SACS: variants seen among roughly 807,000 people sequenced by gnomAD.
The protein encoded by SACS is sacsin.
In SACS, 197 loss-of-function variants were observed where a neutral mutation model predicts 348.0. That is an observed-to-expected ratio of 0.57 (90% CI 0.50 to 0.64). SACS has a LOEUF of 0.64. Ranked by LOEUF, SACS falls within the 30% of genes least tolerant of loss-of-function variation. The probability of loss-of-function intolerance (pLI) is 0.00; values close to 1 mark genes in which losing one functional copy is unlikely to be tolerated. For missense variants in SACS, 4,999 were observed against 5,360.8 expected (o/e 0.93, Z 2.11); for synonymous variants, 1,985 against 1,910.6 (o/e 1.04, Z -1.02).
At position 23,368,387 on chromosome 13, in the gene SACS, C is replaced by T. The variant is rs1437132469; in HGVS notation, c.345+15G>A. 6.4e-6 allele frequency: 10 copies of T among 1,572,906 alleles called. No homozygotes were observed. Among genetic ancestry groups the T allele is most frequent in the East Asian group, 2.2e-5 (1 of 44,646 alleles). On this transcript the variant is annotated intron_variant, in intron 5 of 9. Transcript: ENST00000382292. ...TATCAAAGTAAATAACACATGAACA[C>T]GACATGTGCCCCACCTTAAGAATCT...
At chr13:23,345,572 C>A (rs1869543855) in intron 9 of SACS, among the ~76,000 whole-genome samples, 1 of 152,226 alleles carries the variant, frequency 6.6e-6, no homozygotes, top group African/African-American at 2.4e-5. Context: ...ATTATGCACT[C>A]TACTTATATC....
rs575190396 is a variant in SACS, at chr13:23,336,186, C to T, written c.7690G>A (p.Val2564Met). The T allele has an allele frequency of 2.5e-6, 4 of 1,614,082 alleles. No individual in the cohort carries two copies. The highest frequency in any genetic ancestry group is 3.3e-5 in the Admixed American group (2 of 60,014). Reference sequence around the variant, plus strand: ...ACTGGATGCTGTCTAGGATCAAACACAAAACAGATTTCTGTCGCCTTTGCA... The same window carrying T: ...ACTGGATGCTGTCTAGGATCAAACATAAAACAGATTTCTGTCGCCTTTGCA... ...DDAKATEICFVFDPRQHPVDR... is the reference protein window; with the variant it reads ...DDAKATEICFMFDPRQHPVDR... The change falls in exon 10 of 10, where the codon GTG becomes ATG. Residue 2564 changes from valine to methionine, a missense_variant. Val to Met is a conservative substitution (Grantham distance 21). Transcript: ENST00000382292.
At position 23,340,952 on chromosome 13, in the gene SACS, A is replaced by G. The variant is rs772882240; in HGVS notation, c.2924T>C (p.Ile975Thr). 1.9e-6 allele frequency: 3 copies of G among 1,614,090 alleles called. No individual in the cohort carries two copies. The highest frequency in any genetic ancestry group is 2.5e-6 in the Non-Finnish European group (3 of 1,179,926). Residue 975 changes from isoleucine to threonine, a missense_variant, in exon 10 of 10, where the codon ATT becomes ACT. Coordinates refer to ENST00000382292, the MANE Select transcript of SACS (RefSeq NM_014363.6). Reference protein sequence around the residue: ...SVIDSSDEATIRLANMLKIEQ... With the variant: ...SVIDSSDEATTRLANMLKIEQ... The stretch of plus-strand genomic sequence containing the variant: ...TATTTTCAACATGTTTGCCAGACGA[A>G]TAGTAGCTTCATCACTACTGTCTAT...
chr13:23,332,975 T>A lies in SACS; in HGVS notation c.10901A>T (p.Gln3634Leu), dbSNP rs150900362. ...TVDILLHHIF[Q>L]ERMDLLSGNF... ...TCCAGATAACAAATCCATTCGTTCT[T>A]GGAATATATGATGCAGAAGGATATC... Residue 3634 changes from glutamine to leucine, a missense_variant, in exon 10 of 10, where the codon CAA becomes CTA. Around this residue, in one of 6 missense-constraint regions of SACS, gnomAD observed 831 missense variants for 941.8 expected, o/e 0.88. Transcript: ENST00000382292. 3.0e-5 allele frequency: 48 copies of A among 1,613,784 alleles called. 1 individual carries two copies. The African/African-American group carries it at 5.5e-4, about 18-fold the overall frequency.
intron 1 of SACS, among the ~76,000 whole-genome samples, chr13:23,424,525 CAAA>C (rs36055133): frequency 4.4e-5 from 4 of 91,692 alleles, no homozygotes; most frequent in Admixed American, 1.1e-4. Context: ...AACTCTGTCT[CAAA>C]AAAAAAAAAA....
rs1874528643 is a variant in SACS, at chr13:23,433,683, G to A, written c.-570C>T. The A allele has an allele frequency of 6.6e-6, 1 of 152,364 alleles. No homozygotes were observed. The highest frequency in any genetic ancestry group is 1.5e-5 in the Non-Finnish European group (1 of 68,142). The allele number at this position is 152,364 out of a possible 1,614,324, so 9.4% of individuals were successfully genotyped here. A position where few individuals can be genotyped will look rare whatever the true frequency, so the allele number is the denominator to read the frequency against. On this transcript the variant is annotated 5_prime_UTR_variant, in exon 1 of 10. Transcript: ENST00000382292. Reference sequence around the variant, plus strand: ...CAGTGCCATCAGCAGTTCCCAGCGTGACTGTCCCGCAGCCGCACTGGGTCC... The same window carrying A: ...CAGTGCCATCAGCAGTTCCCAGCGTAACTGTCCCGCAGCCGCACTGGGTCC...
In SACS at chr13:23,329,937, T is replaced by A. The variant is rs1264183100; in HGVS notation, c.*199A>T. ...CCAGCTATTTTGCAGCTCACCACCATCTTCAAAATAGTTTTCTTTTAGATT... is the reference window on the plus strand; with the variant it reads ...CCAGCTATTTTGCAGCTCACCACCAACTTCAAAATAGTTTTCTTTTAGATT... On this transcript the variant is annotated 3_prime_UTR_variant, in exon 10 of 10. Transcript: ENST00000382292. 1.2e-5 allele frequency: 7 copies of A among 595,304 alleles called. No individual in the cohort carries two copies. Among genetic ancestry groups the A allele is most frequent in the Non-Finnish European group, 2.1e-5 (7 of 338,458 alleles). The allele number at this position is 595,304 out of a possible 1,614,324, so 36.9% of individuals were successfully genotyped here.
intron 2 of SACS, among the ~76,000 whole-genome samples, chr13:23,393,006 C>T (rs1872587419): frequency 6.6e-6 from 1 of 152,130 alleles, no homozygotes. Flanking sequence ...ATTCACCAAC[C>T]CTCACCACCC....
intron 2 of SACS, among the ~76,000 whole-genome samples, chr13:23,399,579 C>T (rs544970885): frequency 6.6e-6 from 1 of 152,100 alleles, no homozygotes; most frequent in Non-Finnish European, 1.5e-5. Context: ...TAGTACACTC[C>T]TACTCCAGCC....
chr13:23,348,918 A>G (rs1869784677), intron 9 of SACS, among the ~76,000 whole-genome samples: 1 of 152,222 alleles, frequency 6.6e-6, no homozygotes, highest in Admixed American at 6.5e-5. Flanking sequence ...GGAGGATTCA[A>G]GTTCATCAAC....
chr13:23,393,996 G>A (rs560410007), intron 2 of SACS, among the ~76,000 whole-genome samples: 138 of 152,254 alleles, frequency 9.1e-4, no homozygotes, highest in African/African-American at 3.2e-3. Flanking sequence ...TCCTGACCTC[G>A]TGATCTGCCT....
intron 1 of SACS, among the ~76,000 whole-genome samples, chr13:23,419,523 C>T (rs1873835128): frequency 6.6e-6 from 1 of 152,032 alleles, no homozygotes; most frequent in Admixed American, 6.5e-5. Context: ...CTTGGGAAAC[C>T]GGGCGTGTTA....
rs1555254436 is a variant in SACS, at chr13:23,355,758, TTAC to T, written c.851_853del (p.Ser284del). 1 of 1,614,166 alleles carries T rather than the reference TTAC, an allele frequency of 6.2e-7. No individual in the cohort carries two copies. The highest frequency in any genetic ancestry group is 8.5e-7 in the Non-Finnish European group (1 of 1,180,028). On this transcript the variant is annotated inframe_deletion, in exon 8 of 10. Transcript: ENST00000382292. Reference sequence around the variant, plus strand: ...AAGAACCTTCTGCTTATTGTAGAGGTTACTACTAAGTTGTGAAGGTTGTAGGCG... The same window carrying T: ...AAGAACCTTCTGCTTATTGTAGAGGTTACTAAGTTGTGAAGGTTGTAGGCG...
intron 9 of SACS, chr13:23,346,827 T>A (rs1364039615): frequency 2.0e-6 from 2 of 983,382 alleles, no homozygotes; most frequent in African/African-American, 3.5e-5. Context: ...ATCCCCAGAG[T>A]TGTTGTTGTG....
chr13:23,425,869 A>G (rs889202106), intron 1 of SACS, among the ~76,000 whole-genome samples: 2 of 152,230 alleles, frequency 1.3e-5, no homozygotes, highest in African/African-American at 4.8e-5. Flanking sequence ...AGAGAATATT[A>G]GTATATACAA....
At chr13:23,422,990 A>G (rs1022303843) in intron 1 of SACS, among the ~76,000 whole-genome samples, 2 of 152,186 alleles carry the variant, frequency 1.3e-5, no homozygotes, top group Non-Finnish European at 2.9e-5. Flanking sequence ...GTGAGTTTCC[A>G]TTAAACAAGT....
At position 23,338,833 on chromosome 13, in the gene SACS, G is replaced by A. The variant is rs1868915593; in HGVS notation, c.5043C>T (p.His1681=). The change falls in exon 10 of 10, where the codon CAC becomes CAT. Residue 1681 remains histidine, a synonymous_variant. Transcript: ENST00000382292. ...CACTCTGAGTGAAAATGATAAGCCT[G>A]TGTCCACAGAGACTAAATTCATCCA... The part of the protein sequence containing the change: ...SLVDEFSLCG[H]RLIIFTQSVK... The A allele has an allele frequency of 1.9e-6, 3 of 1,612,858 alleles. No homozygotes were observed. The East Asian group carries it at 6.7e-5, about 36-fold the overall frequency.
chr13:23,338,091 G>A lies in SACS; in HGVS notation c.5785C>T (p.Arg1929Trp), dbSNP rs141019064. The stretch of plus-strand genomic sequence containing the variant: ...AGCTCCCCACTAGTGGCCAGGTCCC[G>A]TAAGACACTCAGTACCTGTAAGTAA... ...KAYLQVLSVL[R>W]DLATSGELMD... Residue 1929 changes from arginine to tryptophan, a missense_variant, in exon 10 of 10, where the codon CGG (arginine) becomes TGG (tryptophan). By Grantham distance (101) the Arg-to-Trp change is moderately radical. Around this residue, in one of 6 missense-constraint regions of SACS, gnomAD observed 3,156 missense variants for 3,380.1 expected, o/e 0.93. Coordinates refer to ENST00000382292, the MANE Select transcript of SACS (RefSeq NM_014363.6). The A allele has an allele frequency of 1.8e-5, 29 of 1,614,036 alleles. No homozygotes were observed. The highest frequency in any genetic ancestry group is 2.2e-5 in the Non-Finnish European group (26 of 1,179,954).
rs1381278603 is a variant in SACS, at chr13:23,354,527, T to C, written c.2085A>G (p.Glu695=). 3 of 1,614,062 alleles carry C rather than the reference T, an allele frequency of 1.9e-6. No homozygotes were observed. The highest frequency in any genetic ancestry group is 2.5e-6 in the Non-Finnish European group (3 of 1,179,924). The change falls in exon 8 of 10, where the codon GAA becomes GAG. Residue 695 remains glutamate, a synonymous_variant. Transcript: ENST00000382292. ...DQDVIYITSA[E]YPRSLFPSLE... ...AGAAGGGGGACCCCTACCTTGGATA[T>C]TCTGCTGAGGTAATATAAATGACAT...
Sources: gnomAD v4.1 joint callset for allele counts (sites outside exome capture counted in the v4.1 genomes callset) on GRCh38, gnomAD v4.1.1 for gene constraint, gnomAD v4.1.1 regional missense constraint, MANE v1.5 for transcripts, NCBI Gene and HGNC (gene_info 2026-07-23, HGNC 2026-07-21) for gene names.